The following SNAP47 variants were observed in gnomAD, a reference collection of about 807,000 sequenced individuals.
SNAP47 encodes the protein synaptosomal-associated protein 47.
Under a neutral mutation model 31.4 loss-of-function variants are expected in SNAP47, and 20 were observed. That is an observed-to-expected ratio of 0.64 (90% CI 0.45 to 0.93). SNAP47 has a LOEUF of 0.93. Among genes scored for constraint, SNAP47 ranks in the 40% least tolerant of loss-of-function variants. The pLI is 0.00. For synonymous variants in SNAP47, 194 were observed against 213.4 expected (o/e 0.91, Z 0.79); for missense variants, 492 against 528.5 (o/e 0.93, Z 0.68).
intron 1 of SNAP47, among the ~76,000 whole-genome samples, chr1:227,737,934 G>A (rs140214373): frequency 0.01 from 1,523 of 152,238 alleles, 16 homozygotes; most frequent in African/African-American, 0.032. Context: ...CAGAATGTCT[G>A]GAGAAGTTAC....
Position 227,766,989 on chromosome 1 carries a change from G to A in SNAP47, c.1019G>A (p.Arg340His), listed in dbSNP as rs34538544. 9.9e-6 allele frequency: 16 copies of A among 1,613,772 alleles called. No individual in the cohort carries two copies. The highest frequency in any genetic ancestry group is 2.7e-5 in the African/African-American group (2 of 74,920). ...GGGCTGATGGGCCGTACCCTGCACC[G>A]TGAGCCACCCGCAGGAGACCAGGAG... ...ASGLMGRTLH[R>H]EPPAGDQEGT... The change falls in exon 4 of 5, where the codon CGT becomes CAT. Residue 340 changes from arginine to histidine, a missense_variant. Coordinates refer to ENST00000617596, the MANE Select transcript of SNAP47 (RefSeq NM_053052.4).
At chr1:227,766,888 G>C in intron 3 of SNAP47, 71 bp from the exon 4 acceptor site, 1 of 1,589,506 alleles carries the variant, frequency 6.3e-7, no homozygotes, top group Non-Finnish European at 8.6e-7. Context: ...ACCACGCTCT[G>C]CCATCCAGAG....
chr1:227,750,439 G>C (rs1389940831), intron 2 of SNAP47, among the ~76,000 whole-genome samples: 2 of 152,266 alleles, frequency 1.3e-5, no homozygotes, highest in East Asian at 3.8e-4. Flanking sequence ...TCACAGACAC[G>C]TGCAGAGTAG....
At chr1:227,754,349 T>C (rs1328202515) in intron 2 of SNAP47, among the ~76,000 whole-genome samples, 2 of 152,190 alleles carry the variant, frequency 1.3e-5, no homozygotes, top group Non-Finnish European at 2.9e-5. Flanking sequence ...TCAGGGTGTT[T>C]ATAGGCACAG....
In SNAP47 at chr1:227,776,505, A is replaced by G. The variant is rs771846141; in HGVS notation, c.1114-4022A>G. On this transcript the variant is annotated intron_variant, in intron 4 of 4. Transcript: ENST00000617596. ...CCCATGAAGGTTCCTGTGTGAGGCC[A>G]CTGGCTGCCTCGGAGCTGACAGCAT... is the stretch of plus-strand genomic sequence containing the variant. The G allele has an allele frequency of 8.0e-5, 79 of 985,502 alleles. No homozygotes were observed. The Middle Eastern group carries it at 2.1e-3, about 26-fold the overall frequency. The allele number at this position is 985,502 out of a possible 1,614,324, so 61.0% of individuals were successfully genotyped here.
chr1:227,767,170 G>A, intron 4 of SNAP47, 87 bp downstream of exon 4: 2 of 1,551,964 alleles, frequency 1.3e-6, no homozygotes, highest in Non-Finnish European at 1.7e-6. Flanking sequence ...TCACAAACAA[G>A]CTCTGGGTCA....
At chr1:227,737,654 G>C (rs1189265045) in intron 1 of SNAP47, among the ~76,000 whole-genome samples, 1 of 152,196 alleles carries the variant, frequency 6.6e-6, no homozygotes, top group Non-Finnish European at 1.5e-5. Context: ...CTCTTTCCAA[G>C]GGGTGTGAGG....
chr1:227,747,041 T>C (rs1662008624), intron 1 of SNAP47: 1 of 152,296 alleles, frequency 6.6e-6, no homozygotes, highest in Admixed American at 6.5e-5. Flanking sequence ...ATAGGACACC[T>C]TCATTGCTTG....
chr1:227,748,468 A>T (rs1662128002), intron 2 of SNAP47, among the ~76,000 whole-genome samples: 1 of 152,242 alleles, frequency 6.6e-6, no homozygotes, highest in Non-Finnish European at 1.5e-5. Context: ...GTGAGATCTG[A>T]GTGAGTGCTG....
intron 1 of SNAP47, among the ~76,000 whole-genome samples, chr1:227,742,447 T>C (rs1661670681): frequency 6.6e-6 from 1 of 152,210 alleles, no homozygotes; most frequent in Non-Finnish European, 1.5e-5. Context: ...TTAGGTCTTT[T>C]AGTTATTTTG....
intron 2 of SNAP47, among the ~76,000 whole-genome samples, chr1:227,754,090 T>A (rs1662543628): frequency 2.0e-5 from 3 of 152,224 alleles, no homozygotes; most frequent in African/African-American, 4.8e-5. Flanking sequence ...AAGGTTTTAT[T>A]GAGTGGAAGT....
At chr1:227,745,810 G>A (rs887729578) in intron 1 of SNAP47, 20 of 152,162 alleles carry the variant, frequency 1.3e-4, no homozygotes, top group Admixed American at 8.5e-4. Flanking sequence ...CTTAGTACCC[G>A]GCTCACATCC....
Position 227,776,383 on chromosome 1 carries a change from G to T in SNAP47, c.1114-4144G>T, listed in dbSNP as rs191735795. On this transcript the variant is annotated intron_variant, in intron 4 of 4. Coordinates refer to ENST00000617596, the MANE Select transcript of SNAP47 (RefSeq NM_053052.4). ...TTTTAATCAGGTAGTTTCTGTGGAGGTCGAACTGGCTGGAAGGAAGGCTGG... is the reference window on the plus strand; with the variant it reads ...TTTTAATCAGGTAGTTTCTGTGGAGTTCGAACTGGCTGGAAGGAAGGCTGG... 4.6e-4 allele frequency: 455 copies of T among 986,800 alleles called. 2 individuals are homozygous for T. Among genetic ancestry groups the T allele is most frequent in the Admixed American group, 2.5e-3 (41 of 16,574 alleles). 61.1% of individuals were successfully genotyped at this position (986,800 alleles called of 1,614,324 possible).
upstream of SNAP47, chr1:227,735,031 G>A (rs1191126231): frequency 5.2e-6 from 8 of 1,551,780 alleles, no homozygotes; most frequent in African/African-American, 2.8e-5. Flanking sequence ...GTAGCAGGTG[G>A]TCGAAGTCGG....
At chr1:227,739,202 T>A (rs1254168912) in intron 1 of SNAP47, among the ~76,000 whole-genome samples, 1 of 152,132 alleles carries the variant, frequency 6.6e-6, no homozygotes, top group Non-Finnish European at 1.5e-5. Flanking sequence ...CCTCTGTCAC[T>A]CAGGCTGGAA....
In SNAP47 at chr1:227,763,007, AGTGCAGAG is replaced by A. The variant is rs1163363074; in HGVS notation, c.988+3528_988+3535del. ...GGCCTTGCCCTGTCATCCAGGCTGG[AGTGCAGAG>A]GTGCAATCATAGCTCACTGTAACTT... On this transcript the variant is annotated intron_variant, in intron 3 of 4. Transcript: ENST00000617596. This position sits in a 1 kb window ranked among gnomAD's most constrained non-coding sequence, Gnocchi z 4.2. Among the ~76,000 whole-genome samples the A allele has an allele frequency of 1.3e-5, 2 of 151,920 alleles. No individual in the cohort carries two copies. Among genetic ancestry groups the A allele is most frequent in the Non-Finnish European group, 2.9e-5 (2 of 67,972 alleles).
chr1:227,733,952 T>C, upstream of SNAP47: 1 of 1,613,826 alleles, frequency 6.2e-7, no homozygotes, highest in South Asian at 1.1e-5. Flanking sequence ...GTCATCCACA[T>C]CCAGTGCATC....
At chr1:227,748,287 G>T in intron 2 of SNAP47, 54 bp downstream of exon 2, 1 of 1,474,012 alleles carries the variant, frequency 6.8e-7, no homozygotes, top group African/African-American at 1.4e-5. Context: ...ATGCACATGT[G>T]TGGAGGCTCA....
rs754223 is a variant in SNAP47 at position 227,776,465 on chromosome 1, G to A, written c.1114-4062G>A. The A allele has an allele frequency of 4.3e-3, 4,227 of 985,794 alleles. 94 individuals are homozygous for A. The African/African-American group carries it at 0.059, about 14-fold the overall frequency. 61.1% of individuals were successfully genotyped at this position (985,794 alleles called of 1,614,324 possible). On this transcript the variant is annotated intron_variant, in intron 4 of 4. Transcript: ENST00000617596. ...CTCAAGGAAGTCTGATTTGCGCCTC[G>A]CCTCTGACTCAGAGCCCATGAAGGT...
Sources: allele counts gnomAD v4.1 joint callset (sites outside exome capture counted in the v4.1 genomes callset), GRCh38; gene constraint gnomAD v4.1.1; non-coding constraint Gnocchi (gnomAD v3.1); transcripts MANE v1.5; gene names NCBI Gene and HGNC (gene_info 2026-07-23, HGNC 2026-07-21).